Variants in CLSTN1 observed in about 807,000 individuals in gnomAD.
CLSTN1 encodes the protein calsyntenin-1.
CLSTN1 carries 28 observed loss-of-function variants against 108.3 expected under a neutral mutation model. The ratio of observed to expected loss-of-function variants is 0.26; its 90% CI spans 0.19 to 0.35. CLSTN1 has a LOEUF of 0.35. Ranked by LOEUF, CLSTN1 falls within the 10% of genes least tolerant of loss-of-function variation. The probability of loss-of-function intolerance (pLI) is 1.00; values close to 1 mark genes in which losing one functional copy is unlikely to be tolerated. For synonymous variants in CLSTN1, 524 were observed against 534.9 expected, an observed-to-expected ratio of 0.98 and a Z score of 0.28; for missense variants, 1,157 against 1,302.6, an observed-to-expected ratio of 0.89 and a Z score of 1.72.
intron 1 of CLSTN1, among the ~76,000 whole-genome samples, chr1:9,816,787 C>G (rs1295086467): frequency 6.6e-6 from 1 of 152,204 alleles, no homozygotes; most frequent in Non-Finnish European, 1.5e-5. Context: ...GCTGGGATTA[C>G]AGGCATGTGC....
chr1:9,756,577 A>G, intron 2 of CLSTN1, 67 bp from the exon 3 acceptor site: 1 of 1,388,834 alleles, frequency 7.2e-7, no homozygotes, highest in Non-Finnish European at 1.0e-6. Context: ...TACACTAAGG[A>G]AAAAAGTCAA....
intron 2 of CLSTN1, among the ~76,000 whole-genome samples, chr1:9,765,755 CGCCT>C (rs1414096794): frequency 6.6e-6 from 1 of 151,624 alleles, no homozygotes; most frequent in Non-Finnish European, 1.5e-5. Flanking sequence ...TGGCGGCGGG[CGCCT>C]GTAATCCCAG....
intron 2 of CLSTN1, among the ~76,000 whole-genome samples, chr1:9,770,274 C>A (rs889970274): frequency 6.6e-6 from 1 of 151,916 alleles, no homozygotes; most frequent in Non-Finnish European, 1.5e-5. Context: ...GTAAAAAAAA[C>A]CTGAGAATCT....
At chr1:9,731,033 A>C (rs1395587823) in intron 18 of CLSTN1, 173 bp downstream of exon 18, 4 of 740,238 alleles carry the variant, frequency 5.4e-6, no homozygotes, top group Non-Finnish European at 9.0e-6. Context: ...AACGGCCTTG[A>C]ATAAGGTCTC....
At chr1:9,774,063 C>A (rs1403520553) in intron 1 of CLSTN1, among the ~76,000 whole-genome samples, 5 of 151,812 alleles carry the variant, frequency 3.3e-5, no homozygotes, top group African/African-American at 1.2e-4. Context: ...ATTATTTTTT[C>A]TTTTTTCTCT....
At chr1:9,804,407 G>A (rs577937377) in intron 1 of CLSTN1, among the ~76,000 whole-genome samples, 6 of 148,934 alleles carry the variant, frequency 4.0e-5, no homozygotes, top group East Asian at 2.0e-4. Flanking sequence ...CCACAAGCAC[G>A]CAGATCCTGA....
chr1:9,746,506 A>G (rs1651273686), intron 7 of CLSTN1, among the ~76,000 whole-genome samples: 2 of 152,182 alleles, frequency 1.3e-5, no homozygotes, highest in African/African-American at 4.8e-5. Flanking sequence ...AACTGAGGTC[A>G]AGAGTTCAAA....
At chr1:9,809,169 C>T (rs917880001) in intron 1 of CLSTN1, among the ~76,000 whole-genome samples, 1 of 152,124 alleles carries the variant, frequency 6.6e-6, no homozygotes, top group South Asian at 2.1e-4. Context: ...TGTCACTGTC[C>T]GCTGGCCACA....
At chr1:9,771,819 G>A (rs1652698205) in intron 2 of CLSTN1, among the ~76,000 whole-genome samples, 1 of 152,102 alleles carries the variant, frequency 6.6e-6, no homozygotes, top group Non-Finnish European at 1.5e-5. Context: ...CTGAAAATGT[G>A]ATGTGGCGCC....
chr1:9,804,948 C>A (rs1422503646), intron 1 of CLSTN1, among the ~76,000 whole-genome samples: 1 of 151,940 alleles, frequency 6.6e-6, no homozygotes, highest in African/African-American at 2.4e-5. Context: ...ACAGTGAAAC[C>A]CCGTCTCTAC....
rs1297917699 is a variant in CLSTN1 at position 9,734,591 on chromosome 1, G to C, written c.2110+357C>G. Among the ~76,000 whole-genome samples the C allele has an allele frequency of 6.6e-6, 1 of 151,094 alleles. No homozygotes were observed. Among genetic ancestry groups the C allele is most frequent in the Non-Finnish European group, 1.5e-5 (1 of 67,854 alleles). ...CTCCATCTCAAAAAAAAAAAAAAAG[G>C]GGGGGAGTTTCATGTGTCCTGAGCA... On this transcript the variant is annotated intron_variant, in intron 14 of 18. Coordinates refer to ENST00000377298, the MANE Select transcript of CLSTN1 (RefSeq NM_001009566.3). This position sits in a 1 kb window ranked among gnomAD's most constrained non-coding sequence, Gnocchi z 4.8.
intron 2 of CLSTN1, among the ~76,000 whole-genome samples, chr1:9,768,361 G>A (rs1193984111): frequency 8.8e-5 from 12 of 136,908 alleles, no homozygotes; most frequent in African/African-American, 3.3e-4. Context: ...ATGGGGGCGG[G>A]ATTCTGTGTT....
chr1:9,759,983 C>T lies in CLSTN1; in HGVS notation c.215-3473G>A, dbSNP rs566134017. On this transcript the variant is annotated intron_variant, in intron 2 of 18. Coordinates refer to ENST00000377298, the MANE Select transcript of CLSTN1 (RefSeq NM_001009566.3). ...ACTGTGGAATAGCGAGGCAGTTCCA[C>T]ATCATCTGAACTGACATTAATGACA... is the stretch of plus-strand genomic sequence containing the variant. Among the ~76,000 whole-genome samples the T allele has an allele frequency of 1.2e-4, 19 of 152,310 alleles. No individual in the cohort carries two copies. The East Asian group carries it at 3.3e-3, about 26-fold the overall frequency.
At chr1:9,817,662 TTA>T (rs1193544403) in intron 1 of CLSTN1, among the ~76,000 whole-genome samples, 2 of 152,304 alleles carry the variant, frequency 1.3e-5, no homozygotes, top group African/African-American at 4.8e-5. Flanking sequence ...TTAAGCTGCT[TTA>T]AACTCTGCTA....
chr1:9,773,480 T>A, intron 1 of CLSTN1, 86 bp from the exon 2 acceptor site: 1 of 1,359,534 alleles, frequency 7.4e-7, no homozygotes, highest in Non-Finnish European at 9.9e-7. Flanking sequence ...CACCTGCTAT[T>A]AAAATAATAA....
intron 1 of CLSTN1, among the ~76,000 whole-genome samples, chr1:9,818,577 T>G (rs924926448): frequency 1.3e-5 from 2 of 152,076 alleles, no homozygotes; most frequent in Admixed American, 6.6e-5. Flanking sequence ...TCCACCCACC[T>G]TGGCCTCCCA....
chr1:9,798,841 G>C (rs982973536), intron 1 of CLSTN1, among the ~76,000 whole-genome samples: 7 of 152,284 alleles, frequency 4.6e-5, no homozygotes, highest in Admixed American at 3.9e-4. Context: ...ACTATTCTTA[G>C]ATCCCTAAGA....
At chr1:9,771,185 T>A (rs1652657306) in intron 2 of CLSTN1, among the ~76,000 whole-genome samples, 1 of 152,082 alleles carries the variant, frequency 6.6e-6, no homozygotes, top group African/African-American at 2.4e-5. Context: ...ATAAAACTGC[T>A]CAAAAACATA....
Position 9,734,851 on chromosome 1 carries a change from C to T in CLSTN1, c.2110+97G>A. 1 of 1,053,700 alleles carries T rather than the reference C, an allele frequency of 9.5e-7. No individual in the cohort carries two copies. Among genetic ancestry groups the T allele is most frequent in the Non-Finnish European group, 1.4e-6 (1 of 698,062 alleles). 65.3% of individuals were successfully genotyped at this position (1,053,700 alleles called of 1,614,324 possible). Reference sequence around the variant, plus strand: ...AACACCAACGAAAGATTAAAACCTCCCCAAATCCCACAGAGACAAAGAGCC... The same window carrying T: ...AACACCAACGAAAGATTAAAACCTCTCCAAATCCCACAGAGACAAAGAGCC... On this transcript the variant is annotated intron_variant, in intron 14 of 18. Coordinates refer to ENST00000377298, the MANE Select transcript of CLSTN1 (RefSeq NM_001009566.3). This position sits in a 1 kb window ranked among gnomAD's most constrained non-coding sequence, Gnocchi z 4.8.
Sources: gnomAD v4.1 joint callset for allele counts (sites outside exome capture counted in the v4.1 genomes callset) on GRCh38, gnomAD v4.1.1 for gene constraint, Gnocchi (gnomAD v3.1) non-coding constraint, MANE v1.5 for transcripts, NCBI Gene and HGNC (gene_info 2026-07-23, HGNC 2026-07-21) for gene names.